Variants in UGT2A2 observed in about 807,000 individuals in gnomAD.
UGT2A2 encodes UDP glucuronosyltransferase family 2 member A2, also known as UDP-glucuronosyltransferase 2A2.
In UGT2A2, 60 loss-of-function variants were observed where a neutral mutation model predicts 50.7. The observed-to-expected ratio is 1.18, with a 90% confidence interval of 0.96 to 1.47. UGT2A2 has a LOEUF of 1.47. UGT2A2 is among the 40% of genes most tolerant of loss of function. The pLI, the probability that UGT2A2 is intolerant of heterozygous loss-of-function variation, is 0.00. For missense variants in UGT2A2, 762 were observed against 634.0 expected (o/e 1.20, Z -2.17); for synonymous variants, 242 against 214.6 (o/e 1.13, Z -1.11).
chr4:69,589,381 T>A lies in UGT2A2; in HGVS notation c.1602A>T (p.Lys534Asn), dbSNP rs149043863. The change falls in exon 6 of 6, where the codon AAA (lysine) becomes AAT (asparagine). Residue 534 changes from lysine (K) to asparagine (N), a missense_variant. Coordinates refer to ENST00000604629, the MANE Select transcript of UGT2A2 (RefSeq NM_001105677.2). ...TCCTCTTTTTCTTGACCTATTCTCT[T>A]TTTTTCTTCTTTCCTATCTTACCAA... Reference protein sequence around the residue: ...QKFGKIGKKKKRE With the variant: ...QKFGKIGKKKNRE 2.0e-5 allele frequency: 33 copies of A among 1,611,054 alleles called. No homozygotes were observed. The African/African-American group carries it at 3.6e-4, about 18-fold the overall frequency.
rs1189533582 is a variant in UGT2A2 at position 69,603,850 on chromosome 4, G to T, written c.743-4456C>A. 3.7e-5 allele frequency among the ~76,000 whole-genome samples: 5 copies of T among 136,618 alleles called. 1 individual carries two copies. The highest frequency in any genetic ancestry group is 1.5e-4 in the African/African-American group (5 of 33,734). The allele number at this position is 136,618 out of a possible 152,430, so 89.6% of individuals were successfully genotyped here. A position where few individuals can be genotyped will look rare whatever the true frequency, so the allele number is the denominator to read the frequency against. On this transcript the variant is annotated intron_variant, in intron 1 of 5. Coordinates refer to ENST00000604629, the MANE Select transcript of UGT2A2 (RefSeq NM_001105677.2). ...AGATCAAATGAATGAAATGAAGCGA[G>T]AAGAGAAGTTTAGAGAAAAAAGAAT...
intron 1 of UGT2A2, among the ~76,000 whole-genome samples, chr4:69,628,401 G>A (rs540650930): frequency 1.0e-3 from 152 of 151,866 alleles, no homozygotes; most frequent in African/African-American, 3.0e-3. Context: ...TAAAGCACAC[G>A]TATAGACCAA....
chr4:69,629,441 C>A (rs1467750149), intron 1 of UGT2A2, among the ~76,000 whole-genome samples: 1 of 152,060 alleles, frequency 6.6e-6, no homozygotes, highest in Non-Finnish European at 1.5e-5. Context: ...TTTTGTATAT[C>A]TGAGGTCTTG....
chr4:69,609,682 C>G (rs1719914155), intron 1 of UGT2A2, among the ~76,000 whole-genome samples: 1 of 131,096 alleles, frequency 7.6e-6, no homozygotes, highest in Non-Finnish European at 1.7e-5. Flanking sequence ...ATACCTATAC[C>G]CACACCTATA....
At chr4:69,625,701 T>TA (rs1382363839) in intron 1 of UGT2A2, among the ~76,000 whole-genome samples, 1 of 151,598 alleles carries the variant, frequency 6.6e-6, no homozygotes, top group African/African-American at 2.4e-5. Flanking sequence ...CTATAGCACT[T>TA]ATGTAAATTT....
intron 1 of UGT2A2, among the ~76,000 whole-genome samples, chr4:69,609,412 C>G (rs74627291): frequency 0.18 from 27,647 of 151,950 alleles, 2,860 homozygotes; most frequent in Non-Finnish European, 0.24. Context: ...GTTTCCCTGG[C>G]TGGCCTCAAA....
At chr4:69,625,748 A>C (rs1721019404) in intron 1 of UGT2A2, among the ~76,000 whole-genome samples, 1 of 151,560 alleles carries the variant, frequency 6.6e-6, no homozygotes, top group Non-Finnish European at 1.5e-5. Flanking sequence ...AACTGCTAAA[A>C]AGTCTAAAGA....
At chr4:69,627,542 GA>G (rs1721144344) in intron 1 of UGT2A2, among the ~76,000 whole-genome samples, 1 of 104,436 alleles carries the variant, frequency 9.6e-6, no homozygotes, top group Non-Finnish European at 2.4e-5. Flanking sequence ...GAAAGAGAGA[GA>G]GAGAAAGAGA....
At chr4:69,619,577 A>G (rs770315953) in intron 1 of UGT2A2, among the ~76,000 whole-genome samples, 4 of 152,046 alleles carry the variant, frequency 2.6e-5, no homozygotes, top group Non-Finnish European at 4.4e-5. Context: ...TAAAAGGAAT[A>G]TAATCTTTTT....
Position 69,606,385 on chromosome 4 carries a change from A to C in UGT2A2, c.743-6991T>G, listed in dbSNP as rs1719615542. ...AAAAATTCAACAACGCTTCATGCTA[A>C]AAACTCTCAATAAATTAGGTATTGA... On this transcript the variant is annotated intron_variant, in intron 1 of 5. Coordinates refer to ENST00000604629, the MANE Select transcript of UGT2A2 (RefSeq NM_001105677.2). 1.5e-5 allele frequency among the ~76,000 whole-genome samples: 2 copies of C among 136,902 alleles called. 1 individual carries two copies. The highest frequency in any genetic ancestry group is 5.9e-5 in the African/African-American group (2 of 33,704). The allele number at this position is 136,902 out of a possible 152,430, so 89.8% of individuals were successfully genotyped here.
At chr4:69,636,473 G>A (rs1460738269) in intron 1 of UGT2A2, among the ~76,000 whole-genome samples, 1 of 152,032 alleles carries the variant, frequency 6.6e-6, no homozygotes, top group Non-Finnish European at 1.5e-5. Context: ...GAAGCATAAA[G>A]GTTTTAAGTA....
chr4:69,631,706 C>A (rs1721397977), intron 1 of UGT2A2, among the ~76,000 whole-genome samples: 1 of 152,024 alleles, frequency 6.6e-6, no homozygotes, highest in Non-Finnish European at 1.5e-5. Context: ...CAGCTGACAA[C>A]CTGAAAAAGA....
At chr4:69,589,759 T>C (rs1290198077) in intron 5 of UGT2A2, 108 bp from the exon 6 acceptor site, 3 of 1,448,112 alleles carry the variant, frequency 2.1e-6, no homozygotes, top group South Asian at 1.4e-5. Context: ...CATAGTTACG[T>C]GGAGAAAATA....
intron 1 of UGT2A2, among the ~76,000 whole-genome samples, chr4:69,625,022 T>A (rs2109943381): frequency 6.6e-6 from 1 of 151,410 alleles, no homozygotes; most frequent in East Asian, 1.9e-4. Context: ...TCAGCCTTTA[T>A]TTTTAAAATT....
chr4:69,599,099 G>A, intron 2 of UGT2A2, 147 bp downstream of exon 2: 1 of 1,202,804 alleles, frequency 8.3e-7, no homozygotes, highest in South Asian at 1.9e-5. Context: ...ATCACTTGTA[G>A]GAGACCTCTA....
chr4:69,637,213 C>A (rs1304238452), intron 1 of UGT2A2, among the ~76,000 whole-genome samples: 1 of 151,998 alleles, frequency 6.6e-6, no homozygotes, highest in African/African-American at 2.4e-5. Context: ...AAATACAGAA[C>A]TATACTTGTA....
intron 1 of UGT2A2, among the ~76,000 whole-genome samples, chr4:69,635,018 C>T (rs182029862): frequency 6.6e-6 from 1 of 152,072 alleles, no homozygotes; most frequent in African/African-American, 2.4e-5. Flanking sequence ...ATGGATACCC[C>T]GTACTCCAGG....
intron 1 of UGT2A2, among the ~76,000 whole-genome samples, chr4:69,625,249 A>G (rs1720985227): frequency 6.7e-6 from 1 of 149,778 alleles, no homozygotes; most frequent in Admixed American, 6.7e-5. Flanking sequence ...CAATATATTG[A>G]TTATGATGTG....
intron 5 of UGT2A2, among the ~76,000 whole-genome samples, chr4:69,590,473 G>C (rs1017973039): frequency 1.3e-5 from 2 of 152,100 alleles, no homozygotes; most frequent in Non-Finnish European, 1.5e-5. Context: ...TGGAAGAAAA[G>C]TTCCAGCCTG....
Sources: gnomAD v4.1 joint callset for allele counts (sites outside exome capture counted in the v4.1 genomes callset) on GRCh38, gnomAD v4.1.1 for gene constraint, MANE v1.5 for transcripts, NCBI Gene and HGNC (gene_info 2026-07-23, HGNC 2026-07-21) for gene names.